Variants in EXOC6B observed in about 807,000 individuals in gnomAD.
EXOC6B encodes the protein exocyst complex component 6B, also known as SEC15 homolog B.
A neutral mutation model predicts 113.5 loss-of-function variants in EXOC6B; 54 were observed. That is an observed-to-expected ratio of 0.48 (90% confidence interval 0.38 to 0.60). The LOEUF is 0.60. Ranked by LOEUF, EXOC6B falls within the 20% of genes least tolerant of loss-of-function variation. The probability of loss-of-function intolerance (pLI) is 0.00; values close to 1 mark genes in which losing one functional copy is unlikely to be tolerated. For missense variants in EXOC6B, 797 were observed against 977.5 expected (o/e 0.82, Z 2.46); for synonymous variants, 357 against 339.0 (o/e 1.05, Z -0.58).
chr2:72,593,918 A>G (rs1025357140), intron 6 of EXOC6B, among the ~76,000 whole-genome samples: 1 of 152,190 alleles, frequency 6.6e-6, no homozygotes, highest in African/African-American at 2.4e-5. Flanking sequence ...CCTTCCAACA[A>G]GTAAAACACA....
At chr2:72,224,874 A>G (rs1224780454) in intron 20 of EXOC6B, among the ~76,000 whole-genome samples, 1 of 144,370 alleles carries the variant, frequency 6.9e-6, no homozygotes. Context: ...ACGTAAGTGT[A>G]TATATATATA....
At chr2:72,260,923 C>T (rs1683674311) in intron 20 of EXOC6B, among the ~76,000 whole-genome samples, 1 of 152,152 alleles carries the variant, frequency 6.6e-6, no homozygotes, top group Non-Finnish European at 1.5e-5. Context: ...AACTATAATT[C>T]TGGTTACTCT....
intron 8 of EXOC6B, among the ~76,000 whole-genome samples, chr2:72,556,709 ATAAAG>A (rs1703564129): frequency 2.0e-5 from 3 of 151,874 alleles, no homozygotes; most frequent in Admixed American, 2.0e-4. Flanking sequence ...TAAATGTAGT[ATAAAG>A]TAAATACTCT....
At chr2:72,511,982 C>T (rs373324964) in intron 11 of EXOC6B, among the ~76,000 whole-genome samples, 3 of 152,074 alleles carry the variant, frequency 2.0e-5, no homozygotes, top group East Asian at 3.8e-4. Flanking sequence ...CCGTCATTGA[C>T]TCCTCACTAT....
At chr2:72,741,989 G>A (rs1016173029) in intron 1 of EXOC6B, among the ~76,000 whole-genome samples, 4 of 152,138 alleles carry the variant, frequency 2.6e-5, no homozygotes, top group African/African-American at 9.7e-5. Context: ...ACTTATGTGT[G>A]GGAACCTTAC....
rs966833902 is a variant in EXOC6B at position 72,797,717 on chromosome 2, G to C, written c.113+28081C>G. On this transcript the variant is annotated intron_variant, in intron 1 of 21. Coordinates refer to ENST00000272427, the MANE Select transcript of EXOC6B (RefSeq NM_015189.3). ...TAATCCCAGCTACTCAGGAGGCTGA[G>C]GCAAGGGAATCACTTGAACCTGGGA... Among the ~76,000 whole-genome samples the C allele has an allele frequency of 5.9e-5, 9 of 152,280 alleles. No homozygotes were observed. The East Asian group carries it at 1.7e-3, about 29-fold the overall frequency.
intron 18 of EXOC6B, among the ~76,000 whole-genome samples, chr2:72,444,095 G>A (rs1010253028): frequency 6.6e-6 from 1 of 152,176 alleles, no homozygotes; most frequent in African/African-American, 2.4e-5. Flanking sequence ...AGATACAATG[G>A]GGGTATAGGC....
At chr2:72,191,385 G>C (rs1678821509) in intron 20 of EXOC6B, among the ~76,000 whole-genome samples, 1 of 152,186 alleles carries the variant, frequency 6.6e-6, no homozygotes, top group South Asian at 2.1e-4. Flanking sequence ...GAACAGTGGA[G>C]AGGACCAAGA....
intron 19 of EXOC6B, among the ~76,000 whole-genome samples, chr2:72,343,893 C>T (rs1689170385): frequency 6.6e-6 from 1 of 152,088 alleles, no homozygotes; most frequent in Non-Finnish European, 1.5e-5. Flanking sequence ...AGCACCAAAA[C>T]AGAAATGCTT....
At chr2:72,528,577 G>A (rs981718187) in intron 8 of EXOC6B, among the ~76,000 whole-genome samples, 1 of 151,912 alleles carries the variant, frequency 6.6e-6, no homozygotes, top group East Asian at 1.9e-4. Context: ...TCTACAAAAA[G>A]CTTGCTGGAA....
chr2:72,691,976 G>A (rs139111796), intron 6 of EXOC6B, among the ~76,000 whole-genome samples: 8 of 151,918 alleles, frequency 5.3e-5, no homozygotes, highest in South Asian at 4.2e-4. Context: ...TTGCCACTGC[G>A]CCCAGCCCCT....
intron 12 of EXOC6B, among the ~76,000 whole-genome samples, chr2:72,499,465 A>C (rs930040271): frequency 2.6e-5 from 4 of 151,922 alleles, no homozygotes; most frequent in Non-Finnish European, 5.9e-5. Flanking sequence ...TCCTGACCTC[A>C]AGTGATCCGC....
intron 20 of EXOC6B, among the ~76,000 whole-genome samples, chr2:72,213,243 G>T (rs1408572247): frequency 2.0e-5 from 3 of 152,200 alleles, no homozygotes; most frequent in Non-Finnish European, 4.4e-5. Context: ...CCATCCGATT[G>T]CAACCTCATG....
Position 72,252,418 on chromosome 2 carries a change from A to G in EXOC6B, c.2197-68231T>C, listed in dbSNP as rs184442489. On this transcript the variant is annotated intron_variant, in intron 20 of 21. Transcript: ENST00000272427. ...GAGAACAATGTTGCAAGGCAATATAATAGAAAGTCATGCCATTGCACTCCA... is the reference window on the plus strand; with the variant it reads ...GAGAACAATGTTGCAAGGCAATATAGTAGAAAGTCATGCCATTGCACTCCA... Among the ~76,000 whole-genome samples, 26 of 152,300 alleles carry G rather than the reference A, an allele frequency of 1.7e-4. No individual in the cohort carries two copies. The East Asian group carries it at 3.9e-3, about 23-fold the overall frequency.
chr2:72,348,360 T>A (rs1381844251), intron 19 of EXOC6B, among the ~76,000 whole-genome samples: 1 of 152,180 alleles, frequency 6.6e-6, no homozygotes, highest in African/African-American at 2.4e-5. Context: ...GTTCCCATTA[T>A]GAGAAAATTC....
At chr2:72,378,255 A>G (rs1246366386) in intron 19 of EXOC6B, among the ~76,000 whole-genome samples, 2 of 152,216 alleles carry the variant, frequency 1.3e-5, no homozygotes, top group East Asian at 3.8e-4. Context: ...TAATAGAACT[A>G]CTTCTTTGAA....
At chr2:72,761,226 C>T (rs1296018045) in intron 1 of EXOC6B, among the ~76,000 whole-genome samples, 1 of 151,988 alleles carries the variant, frequency 6.6e-6, no homozygotes, top group Non-Finnish European at 1.5e-5. Context: ...CTACCTGAGG[C>T]CTACTGTACA....
At chr2:72,353,844 C>A (rs1264775891) in intron 19 of EXOC6B, among the ~76,000 whole-genome samples, 5 of 152,092 alleles carry the variant, frequency 3.3e-5, no homozygotes, top group Non-Finnish European at 7.4e-5. Context: ...GTAATAACCA[C>A]AACATAGTTT....
chr2:72,730,030 T>C (rs1302806250), intron 5 of EXOC6B, among the ~76,000 whole-genome samples: 1 of 152,206 alleles, frequency 6.6e-6, no homozygotes, highest in African/African-American at 2.4e-5. Flanking sequence ...TATAGCTTCA[T>C]ATATCCCCAT....
Sources: gnomAD v4.1 joint callset for allele counts (sites outside exome capture counted in the v4.1 genomes callset) on GRCh38, gnomAD v4.1.1 for gene constraint, MANE v1.5 for transcripts, NCBI Gene and HGNC (gene_info 2026-07-23, HGNC 2026-07-21) for gene names.